Variants in INTS2 observed in about 807,000 individuals in gnomAD.
INTS2 encodes the protein integrator complex subunit 2.
A neutral mutation model predicts 139.6 loss-of-function variants in INTS2; 57 were observed. That is an observed-to-expected ratio of 0.41 (90% CI 0.33 to 0.51). The LOEUF is 0.51. INTS2 is among the 20% of genes least tolerant of loss of function. The pLI is 0.28. For synonymous variants in INTS2, 473 were observed against 493.4 expected (o/e 0.96, Z 0.55); for missense variants, 1,196 against 1,436.7 (o/e 0.83, Z 2.71).
In INTS2 at chr17:61,867,731, A is replaced by G; in HGVS notation, c.3422-5T>C. On this transcript the variant is annotated splice_polypyrimidine_tract_variant and splice_region_variant and intron_variant, in intron 24 of 24. Coordinates refer to ENST00000251334, the MANE Select transcript of INTS2 (RefSeq NM_001351695.2). The surrounding 1 kb of genome is among the most constrained non-coding windows in gnomAD (Gnocchi z 5.6). Reference sequence around the variant, plus strand: ...TCTCCTTTATTTGTTGAAGACCTACAACATAAGGGAAAAAAAACATTAAGG... The same window carrying G: ...TCTCCTTTATTTGTTGAAGACCTACGACATAAGGGAAAAAAAACATTAAGG... 1 of 1,574,574 alleles carries G rather than the reference A, an allele frequency of 6.4e-7. No homozygotes were observed. Among genetic ancestry groups the G allele is most frequent in the Non-Finnish European group, 8.6e-7 (1 of 1,161,984 alleles).
rs1046471532 is a variant in INTS2, at chr17:61,907,574, A to T, written c.1015T>A (p.Leu339Met). The change falls in exon 8 of 25, where the codon TTG (leucine) becomes ATG (methionine). Residue 339 changes from leucine to methionine, a missense_variant. Leu to Met is a conservative substitution (Grantham distance 15). Coordinates refer to ENST00000251334, the MANE Select transcript of INTS2 (RefSeq NM_001351695.2). ...CTTACTGTGGGAAGAATGCCCATCA[A>T]CTCCAGAAGAAGCTGCCTTCTCATC... The part of the protein sequence containing the change: ...WQMRRQLLLE[L>M]MGILPTVRST... 6 of 1,593,168 alleles carry T rather than the reference A, an allele frequency of 3.8e-6. No homozygotes were observed. The highest frequency in any genetic ancestry group is 5.1e-6 in the Non-Finnish European group (6 of 1,169,316).
chr17:61,923,742 C>T (rs947335836), intron 3 of INTS2, among the ~76,000 whole-genome samples: 7 of 151,656 alleles, frequency 4.6e-5, no homozygotes, highest in Non-Finnish European at 1.0e-4. Flanking sequence ...TGCAATGGCA[C>T]AATCTCGGCT....
At chr17:61,910,988 C>T (rs1324423383) in intron 7 of INTS2, 1 of 152,628 alleles carries the variant, frequency 6.6e-6, no homozygotes. Flanking sequence ...TAAAATAAAA[C>T]TATCATTCTT....
intron 7 of INTS2, chr17:61,910,247 G>C (rs1372843204): frequency 6.6e-6 from 1 of 152,234 alleles, no homozygotes; most frequent in Non-Finnish European, 1.5e-5. Flanking sequence ...ATGATAGGGG[G>C]AATGGGGAGT....
At chr17:61,915,815 C>CT (rs1263428719) in intron 5 of INTS2, among the ~76,000 whole-genome samples, 1 of 59,828 alleles carries the variant, frequency 1.7e-5, no homozygotes, top group South Asian at 5.5e-4. Context: ...AAGACTCTGT[C>CT]TAAAAAAAAA....
intron 3 of INTS2, among the ~76,000 whole-genome samples, chr17:61,923,304 C>T (rs1011703884): frequency 6.6e-6 from 1 of 151,016 alleles, no homozygotes; most frequent in Non-Finnish European, 1.5e-5. Flanking sequence ...GGTGAAACCC[C>T]GTCTCTACTA....
At chr17:61,924,658 T>C (rs539004970) in intron 3 of INTS2, among the ~76,000 whole-genome samples, 63 of 152,186 alleles carry the variant, frequency 4.1e-4, no homozygotes, top group African/African-American at 1.5e-3. Flanking sequence ...TGAAACCCCA[T>C]TTCTACTAAA....
intron 12 of INTS2, among the ~76,000 whole-genome samples, chr17:61,894,940 C>A (rs2079332248): frequency 6.6e-6 from 1 of 152,044 alleles, no homozygotes; most frequent in African/African-American, 2.4e-5. Flanking sequence ...TAGACTCTAG[C>A]CTGTAATCTA....
chr17:61,927,662 C>G lies in INTS2; in HGVS notation c.-27G>C. On this transcript the variant is annotated 5_prime_UTR_variant, in exon 1 of 25. Transcript: ENST00000251334. ...AAGCGGACGCTTCATACCTTAAGAT[C>G]TACCCTCCAGCCTCACGGAACCGCA... 1 of 1,406,300 alleles carries G rather than the reference C, an allele frequency of 7.1e-7. No homozygotes were observed. Among genetic ancestry groups the G allele is most frequent in the Non-Finnish European group, 9.2e-7 (1 of 1,082,584 alleles). The allele number at this position is 1,406,300 out of a possible 1,614,324, so 87.1% of individuals were successfully genotyped here.
intron 6 of INTS2, 43 bp from the exon 7 acceptor site, chr17:61,911,736 A>C: frequency 6.3e-7 from 1 of 1,575,902 alleles, no homozygotes; most frequent in Non-Finnish European, 8.6e-7. Context: ...TATCATAAGC[A>C]AAAAGGCCAG....
At chr17:61,886,717 C>T (rs1443648884) in intron 15 of INTS2, among the ~76,000 whole-genome samples, 1 of 152,210 alleles carries the variant, frequency 6.6e-6, no homozygotes, top group Non-Finnish European at 1.5e-5. Flanking sequence ...CTTTCCTTTA[C>T]ACCACAGGAA....
Position 61,867,698 on chromosome 17 carries a change from A to G in INTS2, c.3450T>C (p.Ser1150=). The G allele has an allele frequency of 6.2e-7, 1 of 1,606,188 alleles. No individual in the cohort carries two copies. Among genetic ancestry groups the G allele is most frequent in the East Asian group, 2.2e-5 (1 of 44,760 alleles). ...AATCTTTACAGATTTGAGACCATCCACTTGGTTTCTCCTTTATTTGTTGAA... is the reference window on the plus strand; with the variant it reads ...AATCTTTACAGATTTGAGACCATCCGCTTGGTTTCTCCTTTATTTGTTGAA... ...TRLQQIKEKP[S]GWSQICKDSS... Residue 1150 remains serine (S), a synonymous_variant, in exon 25 of 25, where the codon AGT becomes AGC. Transcript: ENST00000251334. This position sits in a 1 kb window ranked among gnomAD's most constrained non-coding sequence, Gnocchi z 5.6.
At chr17:61,910,686 T>C (rs2079517723) in intron 7 of INTS2, 1 of 151,824 alleles carries the variant, frequency 6.6e-6, no homozygotes, top group African/African-American at 2.4e-5. Context: ...TACTTAAAAA[T>C]GATTAAATGG....
intron 4 of INTS2, 51 bp from the exon 5 acceptor site, chr17:61,919,564 C>T (rs1054792998): frequency 1.1e-6 from 1 of 897,660 alleles, no homozygotes; most frequent in Admixed American, 2.3e-5. Flanking sequence ...TGCACTCCAC[C>T]ACACCCAGCT....
rs1347709832 is a variant in INTS2 at position 61,890,137 on chromosome 17, G to A, written c.1876-243C>T. On this transcript the variant is annotated intron_variant, in intron 14 of 24. Coordinates refer to ENST00000251334, the MANE Select transcript of INTS2 (RefSeq NM_001351695.2). Reference sequence around the variant, plus strand: ...AAGATAAGACAAAGAAAAGACTTCAGCTACTACTCAATAGCAAACCCATCA... The same window carrying A: ...AAGATAAGACAAAGAAAAGACTTCAACTACTACTCAATAGCAAACCCATCA... 2.0e-5 allele frequency among the ~76,000 whole-genome samples: 3 copies of A among 152,246 alleles called. No individual in the cohort carries two copies. The East Asian group carries it at 5.8e-4, about 29-fold the overall frequency.
chr17:61,906,570 AC>A (rs2079465549), intron 8 of INTS2, among the ~76,000 whole-genome samples: 2 of 152,180 alleles, frequency 1.3e-5, no homozygotes, highest in Admixed American at 1.3e-4. Context: ...GTGTTGAGAG[AC>A]CAGCATTATT....
At chr17:61,880,284 G>A (rs1039243927) in intron 17 of INTS2, among the ~76,000 whole-genome samples, 26 of 152,028 alleles carry the variant, frequency 1.7e-4, no homozygotes, top group African/African-American at 6.0e-4. Context: ...CTGACCTCAT[G>A]ATCCGCCTGC....
intron 19 of INTS2, among the ~76,000 whole-genome samples, 162 bp downstream of exon 19, chr17:61,874,751 A>T (rs1351422914): frequency 6.6e-6 from 1 of 152,198 alleles, no homozygotes; most frequent in Non-Finnish European, 1.5e-5. Flanking sequence ...ACATTTCATG[A>T]ATAAACACAA....
chr17:61,873,682 C>T lies in INTS2; in HGVS notation c.2583-1222G>A, dbSNP rs1345256484. On this transcript the variant is annotated intron_variant, in intron 19 of 24. Transcript: ENST00000251334. The surrounding 1 kb of genome is among the most constrained non-coding windows in gnomAD (Gnocchi z 4.0). ...ATTTCCTATGAGATCTTAATCTTAC[C>T]AAACCATATTTAGCTAATTTTGTAG... 6.6e-6 allele frequency among the ~76,000 whole-genome samples: 1 copy of T among 152,072 alleles called. No homozygotes were observed. The highest frequency in any genetic ancestry group is 1.5e-5 in the Non-Finnish European group (1 of 67,996).
Sources: gnomAD v4.1 joint callset for allele counts (sites outside exome capture counted in the v4.1 genomes callset) on GRCh38, gnomAD v4.1.1 for gene constraint, Gnocchi (gnomAD v3.1) non-coding constraint, MANE v1.5 for transcripts, NCBI Gene and HGNC (gene_info 2026-07-23, HGNC 2026-07-21) for gene names.